DISP1: variants seen among roughly 807,000 people sequenced by gnomAD.
DISP1 encodes the protein dispatched RND transporter family member 1.
In DISP1, 30 loss-of-function variants were observed where a neutral mutation model predicts 37.3. The ratio of observed to expected loss-of-function variants is 0.80; its 90% CI spans 0.60 to 1.09. DISP1 has a LOEUF of 1.09. Ranked by LOEUF, DISP1 falls within the 50% of genes least tolerant of loss-of-function variation. The pLI is 0.00. For missense variants in DISP1, 1,598 were observed against 1,879.5 expected, an observed-to-expected ratio of 0.85 and a Z score of 2.77; for synonymous variants, 634 against 690.2, an observed-to-expected ratio of 0.92 and a Z score of 1.28.
intron 1 of DISP1, chr1:222,835,165 A>G (rs1473346254): frequency 6.6e-6 from 1 of 152,180 alleles, no homozygotes; most frequent in Non-Finnish European, 1.5e-5. Flanking sequence ...AATTGTATTT[A>G]GTAACTCAAA....
intron 3 of DISP1, among the ~76,000 whole-genome samples, chr1:222,971,647 G>A (rs1426134795): frequency 6.6e-6 from 1 of 152,084 alleles, no homozygotes; most frequent in African/African-American, 2.4e-5. Flanking sequence ...GCACATTGAT[G>A]AATTATGATT....
At chr1:222,928,684 T>C (rs769241194) in intron 2 of DISP1, 114 bp downstream of exon 2, 1 of 152,246 alleles carries the variant, frequency 6.6e-6, no homozygotes, top group Non-Finnish European at 1.5e-5. Context: ...GTATTTAAAA[T>C]TCCAGCTCAC....
chr1:222,892,757 G>A (rs1671009540), intron 1 of DISP1, among the ~76,000 whole-genome samples: 1 of 152,156 alleles, frequency 6.6e-6, no homozygotes, highest in Non-Finnish European at 1.5e-5. Context: ...TCACTTTAAT[G>A]GCAAAACCGA....
chr1:222,855,798 A>C (rs1366114059), intron 1 of DISP1, among the ~76,000 whole-genome samples: 1 of 152,112 alleles, frequency 6.6e-6, no homozygotes, highest in East Asian at 1.9e-4. Flanking sequence ...TAAGAGTACT[A>C]TAATTTATAA....
chr1:222,834,253 C>T (rs992188356), intron 1 of DISP1, among the ~76,000 whole-genome samples: 2 of 151,930 alleles, frequency 1.3e-5, no homozygotes, highest in Non-Finnish European at 2.9e-5. Flanking sequence ...AAGATATAAA[C>T]AGAGCATAGC....
At chr1:222,932,684 C>A (rs759461853) in intron 2 of DISP1, among the ~76,000 whole-genome samples, 12 of 151,968 alleles carry the variant, frequency 7.9e-5, no homozygotes, top group Non-Finnish European at 1.2e-4. Context: ...CTATGAGAAG[C>A]CTTCCCTACC....
intron 3 of DISP1, among the ~76,000 whole-genome samples, chr1:222,977,677 C>T (rs1677482622): frequency 6.6e-6 from 1 of 151,280 alleles, no homozygotes; most frequent in African/African-American, 2.4e-5. Context: ...TAATGCTATC[C>T]CTCCCCTCTC....
At chr1:222,934,982 A>G (rs1406575861) in intron 2 of DISP1, among the ~76,000 whole-genome samples, 2 of 151,936 alleles carry the variant, frequency 1.3e-5, no homozygotes, top group African/African-American at 4.8e-5. Flanking sequence ...TTCCCTACTT[A>G]TTTTTCTTCA....
intron 1 of DISP1, among the ~76,000 whole-genome samples, chr1:222,844,620 G>A (rs761342398): frequency 6.6e-6 from 1 of 152,088 alleles, no homozygotes; most frequent in Non-Finnish European, 1.5e-5. Context: ...GTGTAAATTT[G>A]CAGGAAAGGT....
intron 2 of DISP1, among the ~76,000 whole-genome samples, chr1:222,939,320 A>C (rs1013439462): frequency 6.6e-6 from 1 of 151,694 alleles, no homozygotes; most frequent in African/African-American, 2.4e-5. Flanking sequence ...TTTAAAAGAG[A>C]ATGATAGTTG....
chr1:222,944,042 A>AAAC (rs200029784), intron 3 of DISP1, among the ~76,000 whole-genome samples: 4 of 152,210 alleles, frequency 2.6e-5, no homozygotes, highest in Admixed American at 1.3e-4. Context: ...AAGAAAAAAG[A>AAAC]AACAACAACA....
chr1:222,847,368 A>T (rs1391738234), intron 1 of DISP1, among the ~76,000 whole-genome samples: 2 of 152,216 alleles, frequency 1.3e-5, no homozygotes, highest in African/African-American at 4.8e-5. Context: ...ATTTAGAAAC[A>T]AAGATCTGAA....
In DISP1 at chr1:222,983,109, G is replaced by C; in HGVS notation, c.539G>C (p.Ser180Thr). 2 of 1,601,220 alleles carry C rather than the reference G, an allele frequency of 1.2e-6. No homozygotes were observed. The highest frequency in any genetic ancestry group is 1.7e-6 in the Non-Finnish European group (2 of 1,170,586). ...RPSRPFKLPK[S>T]YAALIADWPV... ...TCCAGACCTTTCAAGTTGCCAAAAAGGTAAAGTAATCTGGGTCATCTTATT... is the reference window on the plus strand; with the variant it reads ...TCCAGACCTTTCAAGTTGCCAAAAACGTAAAGTAATCTGGGTCATCTTATT... The change falls in exon 4 of 9, where the codon AGT (serine) becomes ACT (threonine). Residue 180 changes from serine (S) to threonine (T), a missense_variant and splice_region_variant. By Grantham distance (58) the Ser-to-Thr change is moderately conservative. Transcript: ENST00000675850.
intron 1 of DISP1, among the ~76,000 whole-genome samples, chr1:222,830,257 G>C (rs375415545): frequency 2.6e-5 from 4 of 151,900 alleles, no homozygotes; most frequent in Non-Finnish European, 5.9e-5. Flanking sequence ...TTTTTGGGGG[G>C]GTCATTTCAA....
At chr1:222,865,323 T>C (rs938660177) in intron 1 of DISP1, among the ~76,000 whole-genome samples, 6 of 152,166 alleles carry the variant, frequency 3.9e-5, no homozygotes, top group African/African-American at 1.4e-4. Flanking sequence ...TTATTAAGAC[T>C]TTTTCACAAA....
At chr1:222,915,690 C>T (rs1050762862) in intron 1 of DISP1, among the ~76,000 whole-genome samples, 2 of 152,210 alleles carry the variant, frequency 1.3e-5, no homozygotes, top group African/African-American at 4.8e-5. Flanking sequence ...TAGTATTAGG[C>T]ATGGTCGGTG....
At chr1:222,819,642 C>T (rs572980598) in intron 1 of DISP1, among the ~76,000 whole-genome samples, 14 of 149,936 alleles carry the variant, frequency 9.3e-5, no homozygotes, top group African/African-American at 2.7e-4. Context: ...TGGGTTCAAA[C>T]GATGCTCCTG....
At position 223,004,666 on chromosome 1, in the gene DISP1, C is replaced by T; in HGVS notation, c.3269C>T (p.Thr1090Ile). ...GSAMAMAALT[T>I]FVAGAMMMPS... is the part of the protein sequence containing the mutation. Reference sequence around the variant, plus strand: ...GCGATGGCCATGGCTGCCCTGACCACCTTCGTGGCAGGGGCCATGATGATG... The same window carrying T: ...GCGATGGCCATGGCTGCCCTGACCATCTTCGTGGCAGGGGCCATGATGATG... The change falls in exon 9 of 9, where the codon ACC becomes ATC. Residue 1090 changes from threonine (T) to isoleucine (I), a missense_variant. Thr to Ile is a moderately conservative substitution (Grantham distance 89, BLOSUM62 -1). Coordinates refer to ENST00000675850, the MANE Select transcript of DISP1 (RefSeq NM_001377229.1). This position sits in a 1 kb window ranked among gnomAD's most constrained non-coding sequence, Gnocchi z 4.9. The T allele has an allele frequency of 1.2e-6, 2 of 1,614,112 alleles. No homozygotes were observed. The highest frequency in any genetic ancestry group is 1.7e-6 in the Non-Finnish European group (2 of 1,180,008).
chr1:222,822,851 CT>C (rs1257206418), intron 1 of DISP1, among the ~76,000 whole-genome samples: 5 of 152,170 alleles, frequency 3.3e-5, no homozygotes, highest in Non-Finnish European at 5.9e-5. Context: ...TTACTTTCTC[CT>C]TGGATAATGA....
Sources: gnomAD v4.1 joint callset for allele counts (sites outside exome capture counted in the v4.1 genomes callset) on GRCh38, gnomAD v4.1.1 for gene constraint, Gnocchi (gnomAD v3.1) non-coding constraint, MANE v1.5 for transcripts, NCBI Gene and HGNC (gene_info 2026-07-23, HGNC 2026-07-21) for gene names.